ZNF462: variants seen among roughly 807,000 people sequenced by gnomAD.
ZNF462 encodes the protein zinc finger protein 462, also known as zinc finger PBX1-interacting protein.
ZNF462 carries 10 observed loss-of-function variants against 201.9 expected under a neutral mutation model. That is an observed-to-expected ratio of 0.05 (90% confidence interval 0.03 to 0.08). The LOEUF (loss-of-function observed/expected upper bound fraction) is 0.08, where lower values mean the gene tolerates loss of function less well. Ranked by LOEUF, ZNF462 falls within the 10% of genes least tolerant of loss-of-function variation. ZNF462 has a pLI of 1.00. For synonymous variants in ZNF462, 1,227 were observed against 1,193.3 expected, an observed-to-expected ratio of 1.03 and a Z score of -0.58; for missense variants, 2,523 against 3,168.3, an observed-to-expected ratio of 0.80 and a Z score of 4.89.
chr9:106,932,411 G>A lies in ZNF462; in HGVS notation c.6013-35G>A. ...GAAACCCGGCCGGGGGGATACCATT[G>A]CAGTCAATGTGACAGAGTCCTGATG... is the stretch of plus-strand genomic sequence containing the variant. On this transcript the variant is annotated intron_variant, in intron 4 of 12. Coordinates refer to ENST00000277225, the MANE Select transcript of ZNF462 (RefSeq NM_021224.6). This position sits in a 1 kb window ranked among gnomAD's most constrained non-coding sequence, Gnocchi z 6.8. 1 of 1,614,154 alleles carries A rather than the reference G, an allele frequency of 6.2e-7. No individual in the cohort carries two copies.
intron 7 of ZNF462, among the ~76,000 whole-genome samples, chr9:106,942,999 T>C (rs1830938640): frequency 6.6e-6 from 1 of 151,710 alleles, no homozygotes; most frequent in Admixed American, 6.6e-5. Context: ...AAAACAAAAA[T>C]CAGACCAGGT....
rs1177677131 is a variant in ZNF462 at position 107,009,556 on chromosome 9, T to C, written c.7201T>C (p.Phe2401Leu). Residue 2401 changes from phenylalanine to leucine, a missense_variant, in exon 12 of 13, where the codon TTT becomes CTT. Physicochemically the swap from Phe to Leu is conservative, Grantham distance 22. Transcript: ENST00000277225. This position sits in a 1 kb window ranked among gnomAD's most constrained non-coding sequence, Gnocchi z 6.1. ...SKAEDRELMRFSDHGAALNTE... is the reference protein window; with the variant it reads ...SKAEDRELMRLSDHGAALNTE... ...CTTTCTCTTTGCAGAGCTGATGAGA[T>C]TTTCTGACCACGGGGCTGCTCTTAA... is the stretch of plus-strand genomic sequence containing the variant. The C allele has an allele frequency of 1.2e-6, 2 of 1,613,824 alleles. No individual in the cohort carries two copies. The highest frequency in any genetic ancestry group is 8.5e-7 in the Non-Finnish European group (1 of 1,179,920).
chr9:106,918,637 T>A (rs936629070), intron 1 of ZNF462, among the ~76,000 whole-genome samples: 2 of 152,218 alleles, frequency 1.3e-5, no homozygotes, highest in African/African-American at 4.8e-5. Flanking sequence ...AAATCATTTT[T>A]CATCTTAAGG....
rs1232779624 is a variant in ZNF462 at position 106,876,428 on chromosome 9, A to G, written c.-31+13073A>G. ...TATTAGGTATTTTGTTCTTGGTCTT[A>G]AAGTCAGCTTTTGGAATCCTGCTTG... On this transcript the variant is annotated intron_variant, in intron 1 of 12. Transcript: ENST00000277225. The surrounding 1 kb of genome is among the most constrained non-coding windows in gnomAD (Gnocchi z 4.9). Among the ~76,000 whole-genome samples the G allele has an allele frequency of 6.6e-6, 1 of 152,200 alleles. No homozygotes were observed. The highest frequency in any genetic ancestry group is 1.5e-5 in the Non-Finnish European group (1 of 68,034).
intron 1 of ZNF462, among the ~76,000 whole-genome samples, chr9:106,871,953 C>G (rs1024126880): frequency 2.6e-5 from 4 of 152,172 alleles, no homozygotes; most frequent in Non-Finnish European, 5.9e-5. Context: ...ATGACTACTA[C>G]CTGGCGTCAG....
chr9:106,902,315 G>A lies in ZNF462; in HGVS notation c.-30-21039G>A, dbSNP rs756832141. On this transcript the variant is annotated intron_variant, in intron 1 of 12. Coordinates refer to ENST00000277225, the MANE Select transcript of ZNF462 (RefSeq NM_021224.6). The surrounding 1 kb of genome is among the most constrained non-coding windows in gnomAD (Gnocchi z 4.2). ...ATCTTTTTGATATGTTGTTGAATTT[G>A]GTTAGCTAGTATTTTGTTAAGGATT... 1.1e-4 allele frequency among the ~76,000 whole-genome samples: 16 copies of A among 152,004 alleles called. No individual in the cohort carries two copies. Among genetic ancestry groups the A allele is most frequent in the Non-Finnish European group, 1.3e-4 (9 of 67,974 alleles).
At position 106,966,565 on chromosome 9, in the gene ZNF462, T is replaced by C. The variant is rs780872274; in HGVS notation, c.6428-5440T>C. ...CTGATTTTTCCTTCCTTCCCCTGCC[T>C]GTTTATAAATACCTCTATTAAAACA... On this transcript the variant is annotated intron_variant, in intron 7 of 12. Transcript: ENST00000277225. This position sits in a 1 kb window ranked among gnomAD's most constrained non-coding sequence, Gnocchi z 4.4. Among the ~76,000 whole-genome samples, 1 of 152,142 alleles carries C rather than the reference T, an allele frequency of 6.6e-6. No homozygotes were observed. The highest frequency in any genetic ancestry group is 1.5e-5 in the Non-Finnish European group (1 of 67,996).
In ZNF462 at chr9:106,871,008, G is replaced by C. The variant is rs377159714; in HGVS notation, c.-31+7653G>C. 2.6e-5 allele frequency among the ~76,000 whole-genome samples: 4 copies of C among 152,260 alleles called. No homozygotes were observed. The South Asian group carries it at 6.2e-4, about 24-fold the overall frequency. On this transcript the variant is annotated intron_variant, in intron 1 of 12. Transcript: ENST00000277225. ...TTGAACTGGGAAATGCCAGAGGCTG[G>C]GGGGTGGGAGCCGATGTCCTCTAAG...
At position 106,926,607 on chromosome 9, in the gene ZNF462, G is replaced by A. The variant is rs762772920; in HGVS notation, c.2695G>A (p.Glu899Lys). 4.3e-6 allele frequency: 7 copies of A among 1,613,894 alleles called. No individual in the cohort carries two copies. The Admixed American group carries it at 5.0e-5, about 12-fold the overall frequency. Reference sequence around the variant, plus strand: ...ATGCTACATCGATTACACCAACTTCGAAGATCTCCAGCAGCATTATGGCGA... The same window carrying A: ...ATGCTACATCGATTACACCAACTTCAAAGATCTCCAGCAGCATTATGGCGA... ...LECYIDYTNF[E>K]DLQQHYGEHH... Residue 899 changes from glutamate to lysine, a missense_variant, in exon 3 of 13, where the codon GAA (glutamate) becomes AAA (lysine). Around this residue, in one of 15 missense-constraint regions of ZNF462, gnomAD observed 280 missense variants for 321.3 expected, o/e 0.87. Transcript: ENST00000277225. This position sits in a 1 kb window ranked among gnomAD's most constrained non-coding sequence, Gnocchi z 7.9.
At chr9:106,996,295 T>G (rs1393350562) in intron 10 of ZNF462, among the ~76,000 whole-genome samples, 1 of 152,204 alleles carries the variant, frequency 6.6e-6, no homozygotes, top group African/African-American at 2.4e-5. Flanking sequence ...TGTGTCTTTA[T>G]AGCAGCATGA....
Position 106,926,842 on chromosome 9 carries a change from T to C in ZNF462, c.2930T>C (p.Leu977Pro). The C allele has an allele frequency of 6.2e-7, 1 of 1,614,140 alleles. No individual in the cohort carries two copies. The highest frequency in any genetic ancestry group is 8.5e-7 in the Non-Finnish European group (1 of 1,180,030). Residue 977 changes from leucine (L) to proline (P), a missense_variant, in exon 3 of 13, where the codon CTG (leucine) becomes CCG (proline). Leu to Pro is a moderately conservative substitution (Grantham distance 98). Transcript: ENST00000277225. The surrounding 1 kb of genome is among the most constrained non-coding windows in gnomAD (Gnocchi z 7.9). ...QEGLNTESQT[L>P]REILNSAPKN... ...GGGCTGAATACAGAATCCCAGACCC[T>C]GAGGGAGATTCTGAATTCGGCTCCC...
rs370669253 is a variant in ZNF462 at position 106,927,654 on chromosome 9, G to T, written c.3742G>T (p.Val1248Leu). 1 of 1,613,982 alleles carries T rather than the reference G, an allele frequency of 6.2e-7. No individual in the cohort carries two copies. Among genetic ancestry groups the T allele is most frequent in the Admixed American group, 1.7e-5 (1 of 59,982 alleles). Residue 1248 changes from valine (V) to leucine (L), a missense_variant, in exon 3 of 13, where the codon GTG (valine) becomes TTG (leucine). Val to Leu is a conservative substitution (Grantham distance 32). This residue lies in a region of ZNF462 where 222 missense variants were observed against 271.6 expected (regional missense o/e 0.82). Coordinates refer to ENST00000277225, the MANE Select transcript of ZNF462 (RefSeq NM_021224.6). The part of the protein sequence containing the change: ...DRNQKKPASC[V>L]LVSPSNLERD... ...AAATCAGAAGAAGCCTGCCAGCTGC[G>T]TGCTTGTCTCCCCCTCTAATCTGGA... is the stretch of plus-strand genomic sequence containing the variant.
In ZNF462 at chr9:106,984,079, A is replaced by G; in HGVS notation, c.6833-107A>G. ...TGTGTCAGTTCAAGGAACCAGATCC[A>G]CGAGGAGCAGCAAGATTGGGTGAGT... On this transcript the variant is annotated intron_variant, in intron 9 of 12. Transcript: ENST00000277225. The surrounding 1 kb of genome is among the most constrained non-coding windows in gnomAD (Gnocchi z 6.4). 9.7e-7 allele frequency: 1 copy of G among 1,032,744 alleles called. No individual in the cohort carries two copies. The highest frequency in any genetic ancestry group is 2.3e-5 in the Admixed American group (1 of 44,010). 64.0% of individuals were successfully genotyped at this position (1,032,744 alleles called of 1,614,324 possible).
At chr9:106,940,112 T>C (rs904935316) in intron 7 of ZNF462, among the ~76,000 whole-genome samples, 3 of 152,212 alleles carry the variant, frequency 2.0e-5, no homozygotes, top group Admixed American at 1.3e-4. Flanking sequence ...CTTCTCTCGA[T>C]GATGGTCACG....
At chr9:106,864,808 GCTTTGGTTTT>G (rs1451277509) in intron 1 of ZNF462, among the ~76,000 whole-genome samples, 1 of 152,164 alleles carries the variant, frequency 6.6e-6, no homozygotes, top group Non-Finnish European at 1.5e-5. Context: ...TGTTTGGTTT[GCTTTGGTTTT>G]GTTTCTGGAG....
chr9:106,861,172 G>C (rs1173805525), upstream of ZNF462, among the ~76,000 whole-genome samples: 3 of 152,074 alleles, frequency 2.0e-5, no homozygotes, highest in East Asian at 5.8e-4. Flanking sequence ...AAAAGGGCAG[G>C]AAGTGTTGAC....
At chr9:106,998,839 C>T (rs1349239809) in intron 10 of ZNF462, among the ~76,000 whole-genome samples, 1 of 152,020 alleles carries the variant, frequency 6.6e-6, no homozygotes, top group Non-Finnish European at 1.5e-5. Flanking sequence ...AAACTCCTGA[C>T]CTCAAGTGAT....
Position 106,872,905 on chromosome 9 carries a change from T to C in ZNF462, c.-31+9550T>C, listed in dbSNP as rs944605344. ...ATACTGGACAACGGTTTTTATTTTT[T>C]TTTAACATTTAATATGAACCAGGGA... is the stretch of plus-strand genomic sequence containing the variant. On this transcript the variant is annotated intron_variant, in intron 1 of 12. Coordinates refer to ENST00000277225, the MANE Select transcript of ZNF462 (RefSeq NM_021224.6). This position sits in a 1 kb window ranked among gnomAD's most constrained non-coding sequence, Gnocchi z 4.5. Among the ~76,000 whole-genome samples, 75 of 152,310 alleles carry C rather than the reference T, an allele frequency of 4.9e-4. No individual in the cohort carries two copies. Among genetic ancestry groups the C allele is most frequent in the African/African-American group, 1.4e-3 (59 of 41,562 alleles).
intron 1 of ZNF462, among the ~76,000 whole-genome samples, chr9:106,884,388 GTCTTT>G (rs1228103798): frequency 1.3e-5 from 2 of 152,122 alleles, no homozygotes; most frequent in African/African-American, 4.8e-5. Context: ...ATAGGCTTTC[GTCTTT>G]TCTTCTCTAG....
Sources: gnomAD v4.1 joint callset for allele counts (sites outside exome capture counted in the v4.1 genomes callset) on GRCh38, gnomAD v4.1.1 for gene constraint, gnomAD v4.1.1 regional missense constraint, Gnocchi (gnomAD v3.1) non-coding constraint, MANE v1.5 for transcripts, NCBI Gene and HGNC (gene_info 2026-07-23, HGNC 2026-07-21) for gene names.